The following TCF7L2 variants were observed in gnomAD, a reference collection of about 807,000 sequenced individuals.
The protein encoded by TCF7L2 is transcription factor 7 like 2, also known as transcription factor 7-like 2.
TCF7L2 carries 23 observed loss-of-function variants against 77.9 expected under a neutral mutation model. That is an observed-to-expected ratio of 0.30 (90% CI 0.21 to 0.42). The LOEUF (loss-of-function observed/expected upper bound fraction) is 0.42. TCF7L2 is among the 10% of genes least tolerant of loss of function. The probability of loss-of-function intolerance (pLI) is 1.00; values close to 1 mark genes in which losing one functional copy is unlikely to be tolerated. For synonymous variants in TCF7L2, 413 were observed against 340.2 expected (o/e 1.21, Z -2.36); for missense variants, 654 against 793.1 (o/e 0.82, Z 2.11).
intron 5 of TCF7L2, among the ~76,000 whole-genome samples, chr10:113,122,881 C>T (rs530156072): frequency 2.0e-5 from 3 of 152,276 alleles, no homozygotes; most frequent in Admixed American, 6.5e-5. Context: ...GTGTAGAAAC[C>T]AGAAACCCCT....
chr10:113,110,118 C>T (rs2062931828), intron 5 of TCF7L2, among the ~76,000 whole-genome samples: 1 of 152,140 alleles, frequency 6.6e-6, no homozygotes, highest in Non-Finnish European at 1.5e-5. Flanking sequence ...TTGACTTCTT[C>T]CTCTGAATTT....
intron 5 of TCF7L2, among the ~76,000 whole-genome samples, chr10:113,105,464 CCATAACACAGGGA>C: frequency 6.6e-6 from 1 of 152,224 alleles, no homozygotes; most frequent in South Asian, 2.1e-4. Context: ...CCCAGGAAAG[CCATAACACAGGGA>C]CATTTGGTGG....
Position 112,950,894 on chromosome 10 carries a change from G to A in TCF7L2, c.138G>A (p.Ser46=), listed in dbSNP as rs2134178540. 1 of 1,612,412 alleles carries A rather than the reference G, an allele frequency of 6.2e-7. No homozygotes were observed. The stretch of plus-strand genomic sequence containing the variant: ...AGAGGGATTTAGCTGATGTCAAATC[G>A]TCTCTAGTCAATGAATCAGAAACGA... The change falls in exon 1 of 14, where the codon TCG becomes TCA. Residue 46 remains serine, a synonymous_variant. Coordinates refer to ENST00000627217, the MANE Select transcript of TCF7L2 (RefSeq NM_001146274.2).
intron 4 of TCF7L2, among the ~76,000 whole-genome samples, chr10:112,993,499 C>CT (rs1371501228): frequency 6.6e-6 from 1 of 151,760 alleles, no homozygotes; most frequent in African/African-American, 2.4e-5. Context: ...GAGTGAGACT[C>CT]TGTCTCAAAA....
chr10:113,019,128 A>G (rs913533979), intron 4 of TCF7L2, among the ~76,000 whole-genome samples: 1 of 152,204 alleles, frequency 6.6e-6, no homozygotes, highest in Non-Finnish European at 1.5e-5. Flanking sequence ...TCTGCCAGCA[A>G]GCACCTTTGG....
chr10:113,091,958 A>T (rs1455377047), intron 5 of TCF7L2, among the ~76,000 whole-genome samples: 1 of 152,192 alleles, frequency 6.6e-6, no homozygotes, highest in Non-Finnish European at 1.5e-5. Flanking sequence ...GCTTTTAATA[A>T]GCATAGCTGT....
At chr10:112,998,548 G>A (rs1369893892) in intron 4 of TCF7L2, among the ~76,000 whole-genome samples, 1 of 152,166 alleles carries the variant, frequency 6.6e-6, no homozygotes, top group African/African-American at 2.4e-5. Context: ...TAGCACAGCT[G>A]TTATTTACTG....
At chr10:113,144,104 G>GTGTGTGTGTGTC in intron 7 of TCF7L2, 79 bp downstream of exon 7, 1 of 70,032 alleles carries the variant, frequency 1.4e-5, no homozygotes, top group African/African-American at 7.7e-5. Context: ...GTGTGTCTGT[G>GTGTGTGTGTGTC]TGTGTGTGTG....
At chr10:113,097,553 C>T (rs1410700762) in intron 5 of TCF7L2, among the ~76,000 whole-genome samples, 2 of 146,532 alleles carry the variant, frequency 1.4e-5, no homozygotes, top group African/African-American at 2.5e-5. Context: ...CTCGGGAGGC[C>T]GAGGCAGAAG....
Position 113,166,039 on chromosome 10 carries a change from C to G in TCF7L2, c.*67C>G, listed in dbSNP as rs2074026619. 1 of 1,390,696 alleles carries G rather than the reference C, an allele frequency of 7.2e-7. No individual in the cohort carries two copies. Among genetic ancestry groups the G allele is most frequent in the African/African-American group, 1.5e-5 (1 of 68,356 alleles). The allele number at this position is 1,390,696 out of a possible 1,614,324, so 86.1% of individuals were successfully genotyped here. On this transcript the variant is annotated 3_prime_UTR_variant, in exon 14 of 14. Coordinates refer to ENST00000627217, the MANE Select transcript of TCF7L2 (RefSeq NM_001146274.2). ...TTCACTTTTCTTAATTTGCCCCCCACCCCCACCTTGAAAGGTTTTGTTTTG... is the reference window on the plus strand; with the variant it reads ...TTCACTTTTCTTAATTTGCCCCCCAGCCCCACCTTGAAAGGTTTTGTTTTG...
At chr10:113,003,812 T>C (rs1334471446) in intron 4 of TCF7L2, among the ~76,000 whole-genome samples, 2 of 152,234 alleles carry the variant, frequency 1.3e-5, no homozygotes, top group African/African-American at 2.4e-5. Flanking sequence ...GCTGAAAATA[T>C]ACTCCCTGAG....
At chr10:113,101,332 C>A (rs1332262015) in intron 5 of TCF7L2, among the ~76,000 whole-genome samples, 1 of 152,044 alleles carries the variant, frequency 6.6e-6, no homozygotes, top group Non-Finnish European at 1.5e-5. Flanking sequence ...CGCTTGAAGG[C>A]AGGAGTTTGA....
At position 112,964,714 on chromosome 10, in the gene TCF7L2, A is replaced by G. The variant is rs11196171; in HGVS notation, c.450+90A>G. On this transcript the variant is annotated intron_variant, in intron 4 of 13. Coordinates refer to ENST00000627217, the MANE Select transcript of TCF7L2 (RefSeq NM_001146274.2). Reference sequence around the variant, plus strand: ...CTCCGCCCCTTCCCCCAACTGAGATAATGATGATGATGATGATGATGATGA... The same window carrying G: ...CTCCGCCCCTTCCCCCAACTGAGATGATGATGATGATGATGATGATGATGA... The G allele has an allele frequency of 0.26, 246,754 of 946,648 alleles. 40,294 individuals carry two copies. Among genetic ancestry groups the G allele is most frequent in the East Asian group, 0.72 (23,934 of 33,284 alleles). The allele number at this position is 946,648 out of a possible 1,614,324, so 58.6% of individuals were successfully genotyped here.
chr10:113,004,326 A>G (rs941894194), intron 4 of TCF7L2, among the ~76,000 whole-genome samples: 1 of 152,160 alleles, frequency 6.6e-6, no homozygotes, highest in African/African-American at 2.4e-5. Context: ...CAGGCAAGCC[A>G]TGTTAATATT....
chr10:113,058,453 C>T (rs187549373), intron 5 of TCF7L2, among the ~76,000 whole-genome samples: 213 of 152,166 alleles, frequency 1.4e-3, no homozygotes, highest in African/African-American at 4.9e-3. Flanking sequence ...ATAGATGGTT[C>T]GTTGGAAAAT....
intron 5 of TCF7L2, among the ~76,000 whole-genome samples, chr10:113,128,687 G>A (rs1045710719): frequency 2.0e-5 from 3 of 152,216 alleles, no homozygotes; most frequent in East Asian, 3.9e-4. Flanking sequence ...CCGGAAAAGC[G>A]TTCTGGATGA....
intron 5 of TCF7L2, among the ~76,000 whole-genome samples, chr10:113,061,279 C>G (rs913539702): frequency 6.6e-5 from 10 of 152,098 alleles, no homozygotes; most frequent in Admixed American, 6.6e-4. Context: ...GGTCATTTTG[C>G]AAAGAGCTTA....
At chr10:113,075,311 T>G (rs1036098363) in intron 5 of TCF7L2, among the ~76,000 whole-genome samples, 4 of 151,976 alleles carry the variant, frequency 2.6e-5, no homozygotes, top group African/African-American at 9.7e-5. Flanking sequence ...ATACAAAAAT[T>G]AGCCGGGAGT....
At chr10:113,001,568 C>T (rs1433752096) in intron 4 of TCF7L2, among the ~76,000 whole-genome samples, 3 of 151,910 alleles carry the variant, frequency 2.0e-5, no homozygotes, top group Non-Finnish European at 4.4e-5. Context: ...AAACTTTACT[C>T]AGGGCAGGGT....
Sources: allele counts gnomAD v4.1 joint callset (sites outside exome capture counted in the v4.1 genomes callset), GRCh38; gene constraint gnomAD v4.1.1; transcripts MANE v1.5; gene names NCBI Gene and HGNC (gene_info 2026-07-23, HGNC 2026-07-21).